MYO1H: variants seen among roughly 807,000 people sequenced by gnomAD.
MYO1H encodes unconventional myosin-Ih.
In MYO1H, 118 loss-of-function variants were observed where a neutral mutation model predicts 149.3. The ratio of observed to expected loss-of-function variants is 0.79; its 90% CI spans 0.68 to 0.92. MYO1H has a LOEUF of 0.92. MYO1H is among the 40% of genes least tolerant of loss of function. MYO1H has a pLI of 0.00. For synonymous variants in MYO1H, 447 were observed against 465.2 expected, an observed-to-expected ratio of 0.96 and a Z score of 0.50; for missense variants, 1,212 against 1,280.7, an observed-to-expected ratio of 0.95 and a Z score of 0.82.
At chr12:109,347,161 G>T (rs2048105480), upstream of MYO1H, among the ~76,000 whole-genome samples, 1 of 152,180 alleles carries the variant, frequency 6.6e-6, no homozygotes, top group Admixed American at 6.5e-5. Flanking sequence ...CATACCCTTA[G>T]CCATGATCCT....
At chr12:109,360,718 A>G (rs112364913) in intron 1 of MYO1H, among the ~76,000 whole-genome samples, 14 of 152,334 alleles carry the variant, frequency 9.2e-5, no homozygotes, top group African/African-American at 3.1e-4. Flanking sequence ...TGAACTCCAT[A>G]AAGAAAAAAA....
At chr12:109,436,545 A>G in exon 22 of MYO1H, 5 of 1,608,054 alleles carry the variant, frequency 3.1e-6, no homozygotes, top group Non-Finnish European at 4.2e-6. Context: ...TACGTGAAAA[A>G]AAGACAAGCA....
exon 18 of MYO1H, chr12:109,425,952 A>T: frequency 8.7e-6 from 14 of 1,610,908 alleles, no homozygotes; most frequent in Non-Finnish European, 1.1e-5. Flanking sequence ...GCAGGTGGGG[A>T]CTCAGTTTAA....
At chr12:109,366,247 G>A (rs1868862721) in intron 1 of MYO1H, among the ~76,000 whole-genome samples, 1 of 152,036 alleles carries the variant, frequency 6.6e-6, no homozygotes. Context: ...CCAAACCAGG[G>A]TTCCATCAAC....
At chr12:109,379,729 CTTTTTTTT>C (rs35773327) in intron 1 of MYO1H, among the ~76,000 whole-genome samples, 1 of 103,468 alleles carries the variant, frequency 9.7e-6, no homozygotes, top group Non-Finnish European at 1.9e-5. Context: ...CAATTTTAAC[CTTTTTTTT>C]TTTTTTTTTT....
chr12:109,427,477 G>T (rs1166884265), exon 19 of MYO1H: 1 of 1,610,594 alleles, frequency 6.2e-7, no homozygotes, highest in African/African-American at 1.3e-5. Flanking sequence ...AGGCAAATTT[G>T]ATGACTTCCT....
chr12:109,317,634 G>A, the MYO1H span, among the ~76,000 whole-genome samples: 3 of 152,088 alleles, frequency 2.0e-5, no homozygotes, highest in Admixed American at 6.6e-5. Context: ...AAAAGTACAG[G>A]CAATGTTGCA....
chr12:109,349,260 A>G (rs1868403709), intron 1 of MYO1H, among the ~76,000 whole-genome samples: 1 of 152,212 alleles, frequency 6.6e-6, no homozygotes, highest in Non-Finnish European at 1.5e-5. Flanking sequence ...ATTGACTTAT[A>G]CATAGTTACA....
At chr12:109,377,721 G>T (rs1339236663) in intron 1 of MYO1H, among the ~76,000 whole-genome samples, 1 of 152,118 alleles carries the variant, frequency 6.6e-6, no homozygotes, top group Non-Finnish European at 1.5e-5. Context: ...TATTCCTAAA[G>T]AATCTTTAAC....
exon 19 of MYO1H, chr12:109,427,532 G>A (rs368271068): frequency 2.2e-5 from 36 of 1,612,950 alleles, no homozygotes; most frequent in Non-Finnish European, 2.9e-5. Flanking sequence ...GAGCACCTGC[G>A]GGTGAGACGG....
chr12:109,376,729 G>A (rs1337843640), intron 1 of MYO1H, among the ~76,000 whole-genome samples: 1 of 152,186 alleles, frequency 6.6e-6, no homozygotes, highest in East Asian at 1.9e-4. Flanking sequence ...AGTAGAGCAA[G>A]TCATCAGACA....
At chr12:109,314,031 C>T in the MYO1H span, among the ~76,000 whole-genome samples, 5 of 151,734 alleles carry the variant, frequency 3.3e-5, no homozygotes, top group African/African-American at 9.7e-5. Context: ...ATTACAGGCG[C>T]GCACCACCAT....
chr12:109,379,630 G>A (rs1209726143), intron 1 of MYO1H, among the ~76,000 whole-genome samples: 1 of 151,210 alleles, frequency 6.6e-6, no homozygotes, highest in Non-Finnish European at 1.5e-5. Context: ...TTGAAAAATA[G>A]CATATATAGT....
Position 109,401,280 on chromosome 12 carries a change from G to T in MYO1H, c.750+8G>T. The stretch of plus-strand genomic sequence containing the variant: ...TATAAATACCTCTCACAGGTGGGAA[G>T]GACCAGCACCTGGCTTTGGTGACTC... On this transcript the variant is annotated splice_region_variant and intron_variant, in intron 6 of 31. Transcript: ENST00000310903. 1 of 1,603,600 alleles carries T rather than the reference G, an allele frequency of 6.2e-7. No individual in the cohort carries two copies. The highest frequency in any genetic ancestry group is 1.3e-5 in the African/African-American group (1 of 74,840).
intron 1 of MYO1H, among the ~76,000 whole-genome samples, chr12:109,355,997 C>T (rs752921122): frequency 1.6e-4 from 25 of 152,010 alleles, no homozygotes; most frequent in Non-Finnish European, 3.1e-4. Context: ...GGATTACAGG[C>T]GTGAGCCACC....
intron 19 of MYO1H, among the ~76,000 whole-genome samples, chr12:109,427,909 A>AAAAAAATAG (rs1555254298): frequency 6.1e-5 from 1 of 16,416 alleles, no homozygotes; most frequent in African/African-American, 3.1e-4. Flanking sequence ...AAAAAAAAAA[A>AAAAAAATAG]ATATATATAT....
intron 1 of MYO1H, among the ~76,000 whole-genome samples, chr12:109,360,199 T>C (rs543945689): frequency 1.3e-5 from 2 of 152,234 alleles, no homozygotes; most frequent in South Asian, 4.1e-4. Flanking sequence ...TGTGAACTTA[T>C]TCAGAGTTTC....
upstream of MYO1H, among the ~76,000 whole-genome samples, chr12:109,347,314 C>T (rs567303516): frequency 4.6e-5 from 7 of 152,282 alleles, no homozygotes; most frequent in South Asian, 1.2e-3. Context: ...TCATGGTAAA[C>T]CCATCTGTAA....
chr12:109,391,079 T>C (rs1052886206), intron 2 of MYO1H, among the ~76,000 whole-genome samples: 3 of 152,236 alleles, frequency 2.0e-5, no homozygotes, highest in Non-Finnish European at 4.4e-5. Context: ...TCTTTTTTTG[T>C]ATCTTCAACT....
Sources: allele counts gnomAD v4.1 joint callset (sites outside exome capture counted in the v4.1 genomes callset), GRCh38; gene constraint gnomAD v4.1.1; transcripts MANE v1.5; gene names NCBI Gene and HGNC (gene_info 2026-07-23, HGNC 2026-07-21).